The following ARHGAP28 variants were observed in gnomAD, a reference collection of about 807,000 sequenced individuals.
ARHGAP28 encodes rho GTPase-activating protein 28.
ARHGAP28 carries 56 observed loss-of-function variants against 90.7 expected under a neutral mutation model. The ratio of observed to expected loss-of-function variants is 0.62; its 90% CI spans 0.50 to 0.77. ARHGAP28 has a LOEUF of 0.77. Among genes scored for constraint, ARHGAP28 ranks in the 30% least tolerant of loss-of-function variants. The pLI, the probability that ARHGAP28 is intolerant of heterozygous loss-of-function variation, is 0.00. For synonymous variants in ARHGAP28, 308 were observed against 323.3 expected (o/e 0.95, Z 0.51); for missense variants, 869 against 900.9 (o/e 0.96, Z 0.45).
rs192218225 is a variant in ARHGAP28 at position 6,822,795 on chromosome 18, G to A, written c.123-1967G>A. Among the ~76,000 whole-genome samples, 3 of 152,274 alleles carry A rather than the reference G, an allele frequency of 2.0e-5. No homozygotes were observed. In the East Asian group the frequency reaches 5.8e-4, roughly 29 times the overall value. On this transcript the variant is annotated intron_variant, in intron 1 of 17. Transcript: ENST00000383472. ...ATTCCAGAAATCTCTACTAAATTTA[G>A]ATGCGATTTAGAAATCCAGGAGGAT...
At chr18:6,801,110 T>C (rs1279749103) in intron 1 of ARHGAP28, among the ~76,000 whole-genome samples, 1 of 152,222 alleles carries the variant, frequency 6.6e-6, no homozygotes, top group African/African-American at 2.4e-5. Flanking sequence ...TGTTTTCCTC[T>C]AGAAGTTTTA....
At chr18:6,763,017 C>G (rs542013553) in intron 1 of ARHGAP28, among the ~76,000 whole-genome samples, 2 of 152,178 alleles carry the variant, frequency 1.3e-5, no homozygotes, top group Non-Finnish European at 2.9e-5. Flanking sequence ...CAAAACTATA[C>G]TGACCATTCA....
At chr18:6,759,221 T>C (rs2056138382) in intron 1 of ARHGAP28, among the ~76,000 whole-genome samples, 1 of 152,184 alleles carries the variant, frequency 6.6e-6, no homozygotes, top group Non-Finnish European at 1.5e-5. Flanking sequence ...TACTCAAATT[T>C]CAGAATGTTT....
At chr18:6,840,039 T>C (rs887723955) in intron 3 of ARHGAP28, among the ~76,000 whole-genome samples, 6 of 152,186 alleles carry the variant, frequency 3.9e-5, no homozygotes, top group African/African-American at 1.4e-4. Flanking sequence ...TCTGGTGGCT[T>C]CTTTCTTCCT....
In ARHGAP28 at chr18:6,913,394, G is replaced by C. The variant is rs1381946900; in HGVS notation, c.*1240G>C. On this transcript the variant is annotated 3_prime_UTR_variant, in exon 18 of 18. Transcript: ENST00000383472. ...AGTCCTTCTCAGATTAGCTGGAAATGGGGACAGAGTTCTCATTTATCCCAG... is the reference window on the plus strand; with the variant it reads ...AGTCCTTCTCAGATTAGCTGGAAATCGGGACAGAGTTCTCATTTATCCCAG... 1 of 152,160 alleles carries C rather than the reference G, an allele frequency of 6.6e-6. No individual in the cohort carries two copies. The highest frequency in any genetic ancestry group is 6.5e-5 in the Admixed American group (1 of 15,276). The allele number at this position is 152,160 out of a possible 1,614,324, so 9.4% of individuals were successfully genotyped here.
intron 17 of ARHGAP28, among the ~76,000 whole-genome samples, chr18:6,911,638 G>A (rs2057400098): frequency 6.6e-6 from 1 of 151,864 alleles, no homozygotes; most frequent in Admixed American, 6.6e-5. Flanking sequence ...GTTTCACCAT[G>A]TTGTCCAGGC....
chr18:6,842,162 A>C (rs908295759), intron 3 of ARHGAP28, among the ~76,000 whole-genome samples: 1 of 152,176 alleles, frequency 6.6e-6, no homozygotes, highest in African/African-American at 2.4e-5. Context: ...CAGCCTGGGC[A>C]GCATAGCGAG....
intron 5 of ARHGAP28, 113 bp downstream of exon 5, chr18:6,860,010 C>A: frequency 2.2e-6 from 2 of 918,842 alleles, no homozygotes; most frequent in Non-Finnish European, 3.3e-6. Flanking sequence ...AATACTTGAG[C>A]TAAGATTGCA....
At chr18:6,861,181 G>A (rs1421558383) in intron 5 of ARHGAP28, among the ~76,000 whole-genome samples, 1 of 152,190 alleles carries the variant, frequency 6.6e-6, no homozygotes, top group Non-Finnish European at 1.5e-5. Context: ...ACCACAGCTT[G>A]TGGCACCCAT....
chr18:6,861,667 G>A (rs987839404), intron 5 of ARHGAP28, among the ~76,000 whole-genome samples: 5 of 152,274 alleles, frequency 3.3e-5, no homozygotes, highest in Non-Finnish European at 7.4e-5. Context: ...AGGAGAGGAT[G>A]GTAGGCATGC....
intron 1 of ARHGAP28, among the ~76,000 whole-genome samples, chr18:6,797,414 A>G (rs1442114658): frequency 6.6e-6 from 1 of 152,162 alleles, no homozygotes; most frequent in Non-Finnish European, 1.5e-5. Context: ...TGAGGCTAGA[A>G]TTGTCCTGGC....
At chr18:6,846,099 G>A (rs777953184) in intron 3 of ARHGAP28, among the ~76,000 whole-genome samples, 3 of 152,158 alleles carry the variant, frequency 2.0e-5, no homozygotes, top group Non-Finnish European at 4.4e-5. Flanking sequence ...TAGAAGGACG[G>A]GGGTTTGCTG....
chr18:6,802,335 CTTTTTTTTTT>C (rs35950139), intron 1 of ARHGAP28, among the ~76,000 whole-genome samples: 97 of 52,762 alleles, frequency 1.8e-3, no homozygotes, highest in Middle Eastern at 0.014. Flanking sequence ...TATGGTAGTT[CTTTTTTTTTT>C]TTTTTTTTTT....
At position 6,870,828 on chromosome 18, in the gene ARHGAP28, C is replaced by G. The variant is rs1388279481; in HGVS notation, c.954+96C>G. 5.3e-6 allele frequency: 7 copies of G among 1,331,780 alleles called. No homozygotes were observed. In the East Asian group the frequency reaches 7.3e-5, roughly 14 times the overall value. The allele number at this position is 1,331,780 out of a possible 1,614,324, so 82.5% of individuals were successfully genotyped here. Reference sequence around the variant, plus strand: ...TTCTTTTTTTTTTTTGAGACGGAGTCTCGCTCTATTGCCCCAGGCTGGAGT... The same window carrying G: ...TTCTTTTTTTTTTTTGAGACGGAGTGTCGCTCTATTGCCCCAGGCTGGAGT... On this transcript the variant is annotated intron_variant, in intron 7 of 17. Coordinates refer to ENST00000383472, the MANE Select transcript of ARHGAP28 (RefSeq NM_001366230.1).
chr18:6,759,853 G>A (rs552210262), intron 1 of ARHGAP28, among the ~76,000 whole-genome samples: 5 of 152,160 alleles, frequency 3.3e-5, no homozygotes, highest in Admixed American at 6.5e-5. Context: ...GTGGTCACAG[G>A]TGGTTGATTC....
Position 6,876,188 on chromosome 18 carries a change from G to A in ARHGAP28, c.1270G>A (p.Gly424Arg). 1 of 1,613,990 alleles carries A rather than the reference G, an allele frequency of 6.2e-7. No homozygotes were observed. Among genetic ancestry groups the A allele is most frequent in the Non-Finnish European group, 8.5e-7 (1 of 1,179,910 alleles). Reference protein sequence around the residue: ...LESEGIFRLSGCTAKVKQYRE... With the variant: ...LESEGIFRLSRCTAKVKQYRE... ...ATCTGAAGGAATTTTTCGACTTTCA[G>A]GATGTACTGCTAAAGTCAAGGTACC... is the stretch of plus-strand genomic sequence containing the variant. The change falls in exon 10 of 18, where the codon GGA becomes AGA. Residue 424 changes from glycine (G) to arginine (R), a missense_variant. Physicochemically the swap from Gly to Arg is moderately radical, Grantham distance 125. Transcript: ENST00000383472.
At chr18:6,743,098 TTAGC>T (rs978250121) in intron 1 of ARHGAP28, among the ~76,000 whole-genome samples, 1 of 151,968 alleles carries the variant, frequency 6.6e-6, no homozygotes, top group Non-Finnish European at 1.5e-5. Context: ...TTCTAAAAGC[TTAGC>T]TAGTGAGAAG....
At position 6,903,568 on chromosome 18, in the gene ARHGAP28, C is replaced by T. The variant is rs1014461749; in HGVS notation, c.2031-5392C>T. Among the ~76,000 whole-genome samples the T allele has an allele frequency of 2.6e-5, 4 of 152,196 alleles. No homozygotes were observed. The East Asian group carries it at 7.8e-4, about 30-fold the overall frequency. ...GAAAGATAGGCTGGGCACGATGACT[C>T]ATGCCTGTAATTCCAGCACTTTGGG... is the stretch of plus-strand genomic sequence containing the variant. On this transcript the variant is annotated intron_variant, in intron 16 of 17. Transcript: ENST00000383472.
At chr18:6,816,194 C>G (rs1384037441) in intron 1 of ARHGAP28, among the ~76,000 whole-genome samples, 1 of 152,144 alleles carries the variant, frequency 6.6e-6, no homozygotes, top group African/African-American at 2.4e-5. Flanking sequence ...GGCAGAAACC[C>G]CTTCTGTGTT....
Sources: gnomAD v4.1 joint callset for allele counts (sites outside exome capture counted in the v4.1 genomes callset) on GRCh38, gnomAD v4.1.1 for gene constraint, MANE v1.5 for transcripts, NCBI Gene and HGNC (gene_info 2026-07-23, HGNC 2026-07-21) for gene names.